Variants in CELF2 observed in about 807,000 individuals in gnomAD.
CELF2 encodes CUGBP Elav-like family member 2, also known as CUG triplet repeat RNA-binding protein 2.
In CELF2, 8 loss-of-function variants were observed where a neutral mutation model predicts 62.6. The ratio of observed to expected loss-of-function variants is 0.13; its 90% CI spans 0.07 to 0.23. CELF2 has a LOEUF of 0.23. Among genes scored for constraint, CELF2 ranks in the 10% least tolerant of loss-of-function variants. CELF2 has a pLI of 1.00. For missense variants in CELF2, 333 were observed against 671.0 expected (o/e 0.50, Z 5.56); for synonymous variants, 258 against 250.0 (o/e 1.03, Z -0.30).
chr10:10,646,097 T>C, the CELF2 span, among the ~76,000 whole-genome samples: 1 of 152,200 alleles, frequency 6.6e-6, no homozygotes, highest in Non-Finnish European at 1.5e-5. Context: ...TATGGGCAGA[T>C]ATTAGGCAGT....
At chr10:10,644,016 AT>A in the CELF2 span, among the ~76,000 whole-genome samples, 1 of 152,314 alleles carries the variant, frequency 6.6e-6, no homozygotes, top group East Asian at 1.9e-4. Flanking sequence ...GATTAAGGAC[AT>A]CATCCTGTCC....
the CELF2 span, among the ~76,000 whole-genome samples, chr10:10,492,047 A>T: frequency 6.6e-6 from 1 of 151,470 alleles, no homozygotes; most frequent in Non-Finnish European, 1.5e-5. Flanking sequence ...ATCCCTTCCC[A>T]GTTAACTCAG....
intron 1 of CELF2, among the ~76,000 whole-genome samples, chr10:10,861,124 C>T (rs1462199610): frequency 1.3e-5 from 2 of 152,138 alleles, no homozygotes; most frequent in Non-Finnish European, 2.9e-5. Flanking sequence ...AGATCTCACT[C>T]TGTCACCCAG....
chr10:11,038,580 T>A (rs2061336355), intron 1 of CELF2, among the ~76,000 whole-genome samples: 1 of 152,186 alleles, frequency 6.6e-6, no homozygotes, highest in Non-Finnish European at 1.5e-5. Flanking sequence ...ATGACAGGAT[T>A]TCTATTAATA....
intron 1 of CELF2, among the ~76,000 whole-genome samples, chr10:11,126,564 T>C (rs1019188284): frequency 6.6e-6 from 1 of 152,216 alleles, no homozygotes; most frequent in African/African-American, 2.4e-5. Flanking sequence ...TGTTGATGTA[T>C]ATAAAAATTG....
intron 12 of CELF2, 63 bp downstream of exon 12, chr10:11,326,042 G>A: frequency 6.7e-7 from 1 of 1,489,800 alleles, no homozygotes; most frequent in South Asian, 1.3e-5. Flanking sequence ...TCGTGGGAAG[G>A]AAAATGTGAG....
At chr10:10,885,085 T>C (rs2061669170) in intron 1 of CELF2, among the ~76,000 whole-genome samples, 1 of 152,060 alleles carries the variant, frequency 6.6e-6, no homozygotes, top group African/African-American at 2.4e-5. Context: ...CTACTAAAGA[T>C]ACAAAACATT....
the CELF2 span, among the ~76,000 whole-genome samples, chr10:10,530,128 A>G: frequency 1.3e-5 from 2 of 152,316 alleles, no homozygotes; most frequent in East Asian, 3.9e-4. Context: ...ATTCAGGGCT[A>G]GTCTGCAGTG....
At chr10:10,747,408 G>A in the CELF2 span, among the ~76,000 whole-genome samples, 4 of 152,136 alleles carry the variant, frequency 2.6e-5, no homozygotes, top group South Asian at 2.1e-4. Context: ...GTAAAGAAAC[G>A]CACTTGCAAA....
At chr10:10,503,694 T>C in the CELF2 span, among the ~76,000 whole-genome samples, 1 of 152,014 alleles carries the variant, frequency 6.6e-6, no homozygotes, top group Admixed American at 6.6e-5. Flanking sequence ...ACTGGTATAT[T>C]TAGATCATTT....
At chr10:11,163,979 C>G (rs1364058584) in intron 1 of CELF2, among the ~76,000 whole-genome samples, 1 of 152,218 alleles carries the variant, frequency 6.6e-6, no homozygotes, top group Non-Finnish European at 1.5e-5. Context: ...AGATCTTTGT[C>G]TACCTTCTTG....
intron 2 of CELF2, among the ~76,000 whole-genome samples, chr10:11,194,081 T>A (rs1294646057): frequency 6.6e-6 from 1 of 152,150 alleles, no homozygotes; most frequent in East Asian, 1.9e-4. Flanking sequence ...TTATATATAT[T>A]TTTGTGACAG....
the CELF2 span, among the ~76,000 whole-genome samples, chr10:10,472,419 T>G: frequency 6.6e-6 from 1 of 152,028 alleles, no homozygotes; most frequent in East Asian, 1.9e-4. Flanking sequence ...GTTCTCAAAT[T>G]TATAATTTTT....
chr10:10,603,746 A>G, the CELF2 span, among the ~76,000 whole-genome samples: 1 of 151,994 alleles, frequency 6.6e-6, no homozygotes, highest in South Asian at 2.1e-4. Flanking sequence ...CTCTAAACAG[A>G]GACAGAGCAG....
the CELF2 span, among the ~76,000 whole-genome samples, chr10:10,663,294 G>A: frequency 1.1e-4 from 16 of 152,280 alleles, no homozygotes; most frequent in African/African-American, 3.4e-4. Flanking sequence ...GCGGCTACAA[G>A]TTAATATTTA....
chr10:10,611,051 C>A, the CELF2 span, among the ~76,000 whole-genome samples: 1 of 152,072 alleles, frequency 6.6e-6, no homozygotes, highest in Non-Finnish European at 1.5e-5. Flanking sequence ...TTACTATGAC[C>A]CAACTATGAT....
chr10:10,916,053 G>T (rs939560261), intron 1 of CELF2, among the ~76,000 whole-genome samples: 1 of 152,224 alleles, frequency 6.6e-6, no homozygotes, highest in Non-Finnish European at 1.5e-5. Context: ...CCTCAGGTGG[G>T]TTATGACAGA....
intron 1 of CELF2, among the ~76,000 whole-genome samples, chr10:11,034,237 GATTA>G (rs1226732955): frequency 1.3e-5 from 2 of 152,220 alleles, no homozygotes; most frequent in African/African-American, 4.8e-5. Flanking sequence ...GGCTATGTTG[GATTA>G]ATAAGGAATT....
chr10:10,904,103 C>T (rs1255215756), intron 1 of CELF2, among the ~76,000 whole-genome samples: 4 of 152,318 alleles, frequency 2.6e-5, no homozygotes, highest in African/African-American at 9.6e-5. Flanking sequence ...TCAAATGTAC[C>T]CATGGAATAT....
Sources: allele counts gnomAD v4.1 joint callset (sites outside exome capture counted in the v4.1 genomes callset), GRCh38; gene constraint gnomAD v4.1.1; transcripts MANE v1.5; gene names NCBI Gene and HGNC (gene_info 2026-07-23, HGNC 2026-07-21).